Variants in LRMDA observed in about 807,000 individuals in gnomAD.
The protein encoded by LRMDA is leucine-rich melanocyte differentiation-associated protein.
A neutral mutation model predicts 29.8 loss-of-function variants in LRMDA; 18 were observed. The ratio of observed to expected loss-of-function variants is 0.60; its 90% CI spans 0.42 to 0.90. LRMDA has a LOEUF of 0.90. LRMDA is among the 40% of genes least tolerant of loss of function. The pLI is 0.00. For synonymous variants in LRMDA, 125 were observed against 109.4 expected, an observed-to-expected ratio of 1.14 and a Z score of -0.89; for missense variants, 273 against 273.9, an observed-to-expected ratio of 1.00 and a Z score of 0.02.
intron 2 of LRMDA, among the ~76,000 whole-genome samples, chr10:75,533,294 TC>T (rs1845499457): frequency 6.6e-6 from 1 of 152,212 alleles, no homozygotes. Flanking sequence ...TAAAATGGAC[TC>T]CTCATTTTAT....
chr10:76,264,191 G>T (rs1029121244), intron 5 of LRMDA, among the ~76,000 whole-genome samples: 21 of 151,978 alleles, frequency 1.4e-4, no homozygotes, highest in African/African-American at 4.8e-4. Context: ...TTGAGGCCAG[G>T]AGTTCAAGAC....
chr10:75,461,991 C>T (rs1049001618), intron 2 of LRMDA, among the ~76,000 whole-genome samples: 4 of 152,226 alleles, frequency 2.6e-5, no homozygotes, highest in Non-Finnish European at 5.9e-5. Context: ...CCTGCAATGG[C>T]AATCGTTTTG....
Position 76,220,631 on chromosome 10 carries a change from A to G in LRMDA, c.517-103770A>G, listed in dbSNP as rs1397731142. 3.9e-5 allele frequency among the ~76,000 whole-genome samples: 6 copies of G among 152,218 alleles called. No homozygotes were observed. The East Asian group carries it at 1.2e-3, about 29-fold the overall frequency. ...CTCTGAAATTGTGGCAATAATCAAT[A>G]ACTTACCAACCAAAAAGAGTCCAGG... On this transcript the variant is annotated intron_variant, in intron 5 of 6. Transcript: ENST00000611255.
rs200751796 is a variant in LRMDA at position 75,964,333 on chromosome 10, T to TG, written c.132-71669dup. Among the ~76,000 whole-genome samples, 1,404 of 152,292 alleles carry TG rather than the reference T, an allele frequency of 9.2e-3. 26 individuals carry two copies. Among genetic ancestry groups the TG allele is most frequent in the African/African-American group, 0.032 (1,344 of 41,546 alleles). ...AACACACCATCCAGAGGAGACAGAT[T>TG]GGGGGGTCAAGGTAGACAGGAAACA... On this transcript the variant is annotated intron_variant, in intron 2 of 6. Coordinates refer to ENST00000611255, the MANE Select transcript of LRMDA (RefSeq NM_001305581.2).
chr10:76,215,957 AAG>A (rs1851721101), intron 5 of LRMDA, among the ~76,000 whole-genome samples: 1 of 152,246 alleles, frequency 6.6e-6, no homozygotes, highest in Non-Finnish European at 1.5e-5. Flanking sequence ...AAACAGCAAA[AAG>A]ATTTCCTTAA....
chr10:75,509,419 G>A (rs558858333), intron 2 of LRMDA, among the ~76,000 whole-genome samples: 2 of 152,144 alleles, frequency 1.3e-5, no homozygotes, highest in East Asian at 3.9e-4. Context: ...TGTATGATGT[G>A]ACATGTGCAT....
chr10:75,707,783 T>C (rs991891929), intron 2 of LRMDA, among the ~76,000 whole-genome samples: 1 of 152,206 alleles, frequency 6.6e-6, no homozygotes, highest in African/African-American at 2.4e-5. Flanking sequence ...GCCCCTTTCC[T>C]GCCAGTACTG....
intron 2 of LRMDA, among the ~76,000 whole-genome samples, chr10:75,872,806 A>G (rs772200169): frequency 3.0e-4 from 45 of 152,042 alleles, no homozygotes; most frequent in Non-Finnish European, 5.6e-4. Flanking sequence ...CTGTTAAATC[A>G]TCACCTCTTC....
intron 5 of LRMDA, among the ~76,000 whole-genome samples, chr10:76,285,417 T>G (rs530415766): frequency 1.9e-3 from 256 of 137,814 alleles, no homozygotes; most frequent in African/African-American, 7.1e-3. Flanking sequence ...TGTGAGTGGC[T>G]AATTGTGCTA....
intron 2 of LRMDA, among the ~76,000 whole-genome samples, chr10:75,776,964 G>T (rs759303385): frequency 4.6e-5 from 7 of 152,220 alleles, no homozygotes; most frequent in Non-Finnish European, 8.8e-5. Context: ...TGCTCATTCT[G>T]ATATGCTTAA....
chr10:76,489,282 A>C (rs1842810651), intron 6 of LRMDA, among the ~76,000 whole-genome samples: 1 of 151,554 alleles, frequency 6.6e-6, no homozygotes, highest in South Asian at 2.1e-4. Flanking sequence ...TTACTTTTAG[A>C]TTTTCCAATT....
At chr10:75,670,531 T>C (rs1489423615) in intron 2 of LRMDA, among the ~76,000 whole-genome samples, 1 of 152,152 alleles carries the variant, frequency 6.6e-6, no homozygotes, top group Non-Finnish European at 1.5e-5. Flanking sequence ...TGAGAATGCA[T>C]GTAGATGGTG....
chr10:76,534,756 G>A (rs979840136), intron 6 of LRMDA, among the ~76,000 whole-genome samples: 15 of 151,994 alleles, frequency 9.9e-5, no homozygotes, highest in African/African-American at 1.9e-4. Context: ...GTCACCTTGC[G>A]GGGGTATATT....
intron 6 of LRMDA, among the ~76,000 whole-genome samples, chr10:76,416,393 T>A (rs1043299620): frequency 6.6e-6 from 1 of 152,246 alleles, no homozygotes; most frequent in African/African-American, 2.4e-5. Flanking sequence ...CTATCACTTA[T>A]AATGCGGCCT....
At chr10:75,489,423 A>G (rs546048082) in intron 2 of LRMDA, among the ~76,000 whole-genome samples, 1 of 152,124 alleles carries the variant, frequency 6.6e-6, no homozygotes, top group East Asian at 1.9e-4. Flanking sequence ...TTTGCTAACA[A>G]CCTCCCACAG....
chr10:75,926,401 C>G (rs548258290), intron 2 of LRMDA, among the ~76,000 whole-genome samples: 1 of 152,306 alleles, frequency 6.6e-6, no homozygotes, highest in East Asian at 1.9e-4. Context: ...AATTTTTCAT[C>G]TAGTGCTCTG....
intron 6 of LRMDA, among the ~76,000 whole-genome samples, chr10:76,422,199 T>C (rs1206451306): frequency 1.3e-5 from 2 of 152,068 alleles, no homozygotes; most frequent in Non-Finnish European, 2.9e-5. Context: ...AGCCTCTTCA[T>C]TGCAGGTTGA....
intron 5 of LRMDA, among the ~76,000 whole-genome samples, chr10:76,099,805 T>G (rs1234471794): frequency 2.0e-5 from 3 of 152,184 alleles, no homozygotes; most frequent in Non-Finnish European, 4.4e-5. Flanking sequence ...ATAACACACT[T>G]TGTATTATTT....
At chr10:75,783,073 T>G in intron 2 of LRMDA, 1 of 1,608,410 alleles carries the variant, frequency 6.2e-7, no homozygotes, top group Non-Finnish European at 8.5e-7. Flanking sequence ...CTGTCAGCAG[T>G]GCCTTTTAAA....
Sources: allele counts gnomAD v4.1 joint callset (sites outside exome capture counted in the v4.1 genomes callset), GRCh38; gene constraint gnomAD v4.1.1; transcripts MANE v1.5; gene names NCBI Gene and HGNC (gene_info 2026-07-23, HGNC 2026-07-21).